The following ACOXL variants were observed in gnomAD, a reference collection of about 807,000 sequenced individuals.
The protein encoded by ACOXL is acyl-coenzyme A oxidase-like protein.
In ACOXL, 70 loss-of-function variants were observed where a neutral mutation model predicts 71.9. The ratio of observed to expected loss-of-function variants is 0.97; its 90% CI spans 0.80 to 1.19. The LOEUF is 1.19. ACOXL is among the 50% of genes most tolerant of loss of function. ACOXL has a pLI of 0.00. For missense variants in ACOXL, 703 were observed against 736.3 expected (o/e 0.95, Z 0.52); for synonymous variants, 253 against 281.6 (o/e 0.90, Z 1.02).
chr2:110,859,852 C>T (rs866929022), intron 10 of ACOXL, among the ~76,000 whole-genome samples: 4 of 152,138 alleles, frequency 2.6e-5, no homozygotes, highest in Non-Finnish European at 2.9e-5. Context: ...CTAGGACTCC[C>T]CAGGCATCCC....
chr2:110,798,777 C>T, intron 6 of ACOXL, 53 bp downstream of exon 6: 1 of 1,531,210 alleles, frequency 6.5e-7, no homozygotes, highest in Non-Finnish European at 9.0e-7. Flanking sequence ...GTACTATTTA[C>T]CAGTGAAAAA....
intron 9 of ACOXL, among the ~76,000 whole-genome samples, chr2:110,839,732 C>G (rs905923221): frequency 2.0e-5 from 3 of 152,032 alleles, no homozygotes; most frequent in African/African-American, 7.2e-5. Flanking sequence ...TGGGCAGTGG[C>G]GTTGGACTTT....
At chr2:110,911,949 A>G (rs779284044) in intron 11 of ACOXL, among the ~76,000 whole-genome samples, 16 of 152,210 alleles carry the variant, frequency 1.1e-4, no homozygotes, top group Non-Finnish European at 1.8e-4. Flanking sequence ...GTGCCTTCAT[A>G]TATAGAAAAT....
chr2:110,951,815 T>C (rs1180359537), intron 12 of ACOXL, among the ~76,000 whole-genome samples: 1 of 152,234 alleles, frequency 6.6e-6, no homozygotes, highest in Non-Finnish European at 1.5e-5. Context: ...AAATCTTGAG[T>C]TTCAGGATCT....
chr2:111,109,492 T>C (rs1025653611), intron 17 of ACOXL, among the ~76,000 whole-genome samples: 16 of 152,148 alleles, frequency 1.1e-4, no homozygotes, highest in Admixed American at 1.0e-3. Flanking sequence ...TGAATCTGTT[T>C]TCAAGATTAT....
intron 2 of ACOXL, among the ~76,000 whole-genome samples, chr2:110,769,416 G>A (rs557732025): frequency 5.3e-5 from 8 of 152,224 alleles, no homozygotes; most frequent in Non-Finnish European, 8.8e-5. Context: ...GGAGGCCAAG[G>A]TGGGCTGATA....
intron 15 of ACOXL, among the ~76,000 whole-genome samples, chr2:111,035,158 C>G (rs1043620624): frequency 1.3e-5 from 2 of 152,040 alleles, no homozygotes; most frequent in African/African-American, 2.4e-5. Context: ...GAGCCACCGT[C>G]CCCGGCCTAA....
At chr2:110,783,344 A>G (rs1385537874) in intron 2 of ACOXL, among the ~76,000 whole-genome samples, 1 of 152,206 alleles carries the variant, frequency 6.6e-6, no homozygotes. Context: ...AGCTGGAGCC[A>G]TGCAGTGGTT....
chr2:110,874,218 G>A (rs1386051796), intron 10 of ACOXL, among the ~76,000 whole-genome samples: 1 of 152,218 alleles, frequency 6.6e-6, no homozygotes, highest in African/African-American at 2.4e-5. Context: ...TTTTGGGGGG[G>A]TGGTGAGGGG....
At chr2:110,905,861 G>A (rs1222457775) in intron 10 of ACOXL, among the ~76,000 whole-genome samples, 2 of 152,210 alleles carry the variant, frequency 1.3e-5, no homozygotes, top group Non-Finnish European at 2.9e-5. Flanking sequence ...GAACTCAGCA[G>A]TGGATTAGGA....
chr2:110,963,862 C>T (rs948186957), intron 12 of ACOXL: 5 of 1,184,862 alleles, frequency 4.2e-6, no homozygotes, highest in South Asian at 1.7e-5. Context: ...CAGGGGATTA[C>T]GTTATTTCTC....
intron 14 of ACOXL, among the ~76,000 whole-genome samples, chr2:111,028,232 A>G (rs2065104675): frequency 6.6e-6 from 1 of 152,024 alleles, no homozygotes; most frequent in Non-Finnish European, 1.5e-5. Flanking sequence ...ATTTTTCTAC[A>G]TAGACAATCA....
Position 111,050,281 on chromosome 2 carries a change from A to C in ACOXL, c.1440+993A>C, listed in dbSNP as rs139407608. On this transcript the variant is annotated intron_variant, in intron 16 of 17. Coordinates refer to ENST00000439055, the MANE Select transcript of ACOXL (RefSeq NM_001142807.4). The stretch of plus-strand genomic sequence containing the variant: ...GGTCTTTAAAAAAAAAAAAGCTTTC[A>C]GTGATGTTAGTTTTATAATAAAGAA... Among the ~76,000 whole-genome samples, 1,109 of 151,750 alleles carry C rather than the reference A, an allele frequency of 7.3e-3. 9 individuals carry two copies. The highest frequency in any genetic ancestry group is 0.025 in the African/African-American group (1,021 of 41,396).
At chr2:111,035,532 T>C (rs1473356596) in intron 15 of ACOXL, among the ~76,000 whole-genome samples, 1 of 152,236 alleles carries the variant, frequency 6.6e-6, no homozygotes, top group Non-Finnish European at 1.5e-5. Flanking sequence ...CTGTGCAGAA[T>C]TGTCTCTTGC....
chr2:111,014,722 A>G (rs1485133594), intron 14 of ACOXL, among the ~76,000 whole-genome samples: 5 of 152,244 alleles, frequency 3.3e-5, no homozygotes, highest in Non-Finnish European at 1.5e-5. Context: ...CTGATTTCAA[A>G]GCTTGTGCTA....
At chr2:111,102,409 T>G (rs2069226185) in intron 17 of ACOXL, among the ~76,000 whole-genome samples, 1 of 152,214 alleles carries the variant, frequency 6.6e-6, no homozygotes, top group African/African-American at 2.4e-5. Flanking sequence ...GATCATTCTA[T>G]TTTCTTCATT....
At chr2:110,803,389 C>T (rs1302466368) in intron 8 of ACOXL, among the ~76,000 whole-genome samples, 1 of 152,148 alleles carries the variant, frequency 6.6e-6, no homozygotes, top group Admixed American at 6.5e-5. Context: ...AATTAATATT[C>T]CACTGCAGAG....
At chr2:111,065,705 TA>T (rs2067036331) in intron 16 of ACOXL, among the ~76,000 whole-genome samples, 1 of 152,158 alleles carries the variant, frequency 6.6e-6, no homozygotes. Flanking sequence ...GGGCAAAAGA[TA>T]AAAACAGGCG....
At chr2:110,842,340 A>G (rs1438490136) in intron 10 of ACOXL, among the ~76,000 whole-genome samples, 1 of 152,310 alleles carries the variant, frequency 6.6e-6, no homozygotes, top group South Asian at 2.1e-4. Flanking sequence ...CTGGAGACCT[A>G]TGAAAGAAAC....
Sources: allele counts gnomAD v4.1 joint callset (sites outside exome capture counted in the v4.1 genomes callset), GRCh38; gene constraint gnomAD v4.1.1; transcripts MANE v1.5; gene names NCBI Gene and HGNC (gene_info 2026-07-23, HGNC 2026-07-21).